RGS22: variants seen among roughly 807,000 people sequenced by gnomAD.
RGS22 encodes the protein regulator of G protein signaling 22, also known as regulator of G-protein signaling 22.
In RGS22, 148 loss-of-function variants were observed where a neutral mutation model predicts 172.9. The observed-to-expected ratio is 0.86, with a 90% CI of 0.75 to 0.98. The LOEUF (loss-of-function observed/expected upper bound fraction) is 0.98. Among genes scored for constraint, RGS22 ranks in the 50% least tolerant of loss-of-function variants. RGS22 has a pLI of 0.00. For missense variants in RGS22, 1,347 were observed against 1,440.8 expected (o/e 0.93, Z 1.05); for synonymous variants, 458 against 480.2 (o/e 0.95, Z 0.60).
intron 14 of RGS22, among the ~76,000 whole-genome samples, chr8:100,017,065 T>C (rs1817066814): frequency 7.1e-6 from 1 of 140,796 alleles, no homozygotes; most frequent in Admixed American, 7.7e-5. Flanking sequence ...TGGTGTGATC[T>C]TGGCTCACTG....
Position 100,106,007 on chromosome 8 carries a change from C to G in RGS22, c.-86G>C. ...CCAGCGCGGGTCAGGGCCTGAGCGACGCGGCGACGGCGCGCGGGCTCCGGA... is the reference window on the plus strand; with the variant it reads ...CCAGCGCGGGTCAGGGCCTGAGCGAGGCGGCGACGGCGCGCGGGCTCCGGA... On this transcript the variant is annotated 5_prime_UTR_variant, in exon 1 of 28. Transcript: ENST00000360863. 3.3e-6 allele frequency: 4 copies of G among 1,205,752 alleles called. No homozygotes were observed. Among genetic ancestry groups the G allele is most frequent in the Non-Finnish European group, 4.1e-6 (4 of 971,616 alleles). The allele number at this position is 1,205,752 out of a possible 1,614,324, so 74.7% of individuals were successfully genotyped here. A position where few individuals can be genotyped will look rare whatever the true frequency, so the allele number is the denominator to read the frequency against.
At chr8:100,086,129 T>C (rs1416143207) in intron 3 of RGS22, among the ~76,000 whole-genome samples, 1 of 151,820 alleles carries the variant, frequency 6.6e-6, no homozygotes, top group Non-Finnish European at 1.5e-5. Context: ...TAATAGCCAA[T>C]GCATCAAGAT....
chr8:99,993,582 G>A (rs2131283697), intron 20 of RGS22, among the ~76,000 whole-genome samples: 1 of 152,064 alleles, frequency 6.6e-6, no homozygotes, highest in East Asian at 1.9e-4. Context: ...TTGAATCTCT[G>A]AATAGACCAA....
At chr8:99,971,321 C>T (rs1380446899) in intron 23 of RGS22, among the ~76,000 whole-genome samples, 1 of 152,178 alleles carries the variant, frequency 6.6e-6, no homozygotes, top group African/African-American at 2.4e-5. Flanking sequence ...CAGCACAAGA[C>T]AAGGATGCCC....
chr8:100,058,200 G>T (rs1043060429), intron 9 of RGS22, among the ~76,000 whole-genome samples: 1 of 149,550 alleles, frequency 6.7e-6, no homozygotes, highest in Non-Finnish European at 1.5e-5. Context: ...CAACAATAAA[G>T]CATGCCTAAA....
chr8:99,962,774 A>G lies in RGS22; in HGVS notation c.3710-7T>C, dbSNP rs6468700. 1 allele frequency: 1,600,861 copies of G among 1,601,338 alleles called. 800,196 individuals carry two copies. Among genetic ancestry groups the G allele is most frequent in the South Asian group, 1 (88,194 of 88,194 alleles). On this transcript the variant is annotated splice_region_variant and splice_polypyrimidine_tract_variant and intron_variant, in intron 25 of 27. Coordinates refer to ENST00000360863, the MANE Select transcript of RGS22 (RefSeq NM_015668.5). ...TTTGTGAGAGGTTGCAAGCCTGCAC[A>G]AAAATAAAAGAGATAAGAAAAACAG...
chr8:99,977,270 A>ATTTCTTTT (rs1428079850), intron 23 of RGS22, among the ~76,000 whole-genome samples: 6 of 120,390 alleles, frequency 5.0e-5, no homozygotes, highest in Non-Finnish European at 1.0e-4. Flanking sequence ...CGCCCGGTTA[A>ATTTCTTTT]TTTTTTTTTT....
chr8:100,084,047 C>T (rs1358533028), intron 3 of RGS22, among the ~76,000 whole-genome samples: 1 of 151,868 alleles, frequency 6.6e-6, no homozygotes, highest in Admixed American at 6.6e-5. Flanking sequence ...CCATGTTGGC[C>T]AGGATGTTCT....
rs185087498 is a variant in RGS22, at chr8:100,011,161, G to C, written c.2167-2592C>G. Among the ~76,000 whole-genome samples, 3 of 152,246 alleles carry C rather than the reference G, an allele frequency of 2.0e-5. No individual in the cohort carries two copies. In the East Asian group the frequency reaches 5.8e-4, roughly 29 times the overall value. ...GTGAATAAGAGAAGATACTTTAAAG[G>C]GAGGCAGAGACCAGAGCATGAATAT... is the stretch of plus-strand genomic sequence containing the variant. On this transcript the variant is annotated intron_variant, in intron 14 of 27. Transcript: ENST00000360863.
At chr8:100,055,106 C>A (rs1445042641) in intron 9 of RGS22, among the ~76,000 whole-genome samples, 1 of 152,230 alleles carries the variant, frequency 6.6e-6, no homozygotes, top group East Asian at 1.9e-4. Flanking sequence ...AGGACACAAG[C>A]CTGGCTGGCT....
chr8:100,011,828 G>A (rs1477628935), intron 14 of RGS22, among the ~76,000 whole-genome samples: 1 of 152,124 alleles, frequency 6.6e-6, no homozygotes, highest in African/African-American at 2.4e-5. Flanking sequence ...CAGCAGACCT[G>A]TACTAAATGA....
At chr8:100,064,111 G>A in intron 7 of RGS22, 68 bp from the exon 8 acceptor site, 4 of 1,192,852 alleles carry the variant, frequency 3.4e-6, no homozygotes, top group Non-Finnish European at 4.5e-6. Context: ...TTAAATAGAT[G>A]CTATAGAGCC....
chr8:100,070,964 T>C (rs1476032611), intron 6 of RGS22, among the ~76,000 whole-genome samples: 3 of 151,660 alleles, frequency 2.0e-5, no homozygotes, highest in African/African-American at 7.3e-5. Flanking sequence ...TCATTTTTTC[T>C]GTTCAGGTAA....
In RGS22 at chr8:100,066,079, A is replaced by G. The variant is rs560312947; in HGVS notation, c.724+88T>C. The stretch of plus-strand genomic sequence containing the variant: ...GTATGTGGATAATTTTTTCTCCCCA[A>G]CCACTAAGTACTGTACTGTAAAATT... On this transcript the variant is annotated intron_variant, in intron 7 of 27. Coordinates refer to ENST00000360863, the MANE Select transcript of RGS22 (RefSeq NM_015668.5). 4 of 1,243,436 alleles carry G rather than the reference A, an allele frequency of 3.2e-6. No individual in the cohort carries two copies. In the South Asian group the frequency reaches 7.3e-5, roughly 23 times the overall value. 77.0% of individuals were successfully genotyped at this position (1,243,436 alleles called of 1,614,324 possible).
chr8:100,020,690 ACT>A (rs1040578814), intron 14 of RGS22, among the ~76,000 whole-genome samples: 4 of 152,198 alleles, frequency 2.6e-5, no homozygotes, highest in South Asian at 4.1e-4. Flanking sequence ...CAGTTGTTAA[ACT>A]CTGTCATTAC....
chr8:100,020,693 C>T (rs1298839711), intron 14 of RGS22, among the ~76,000 whole-genome samples: 1 of 152,118 alleles, frequency 6.6e-6, no homozygotes, highest in Non-Finnish European at 1.5e-5. Flanking sequence ...TTGTTAAACT[C>T]TGTCATTACC....
intron 3 of RGS22, among the ~76,000 whole-genome samples, chr8:100,088,459 C>T (rs1225931178): frequency 2.5e-4 from 38 of 152,068 alleles, no homozygotes; most frequent in Admixed American, 2.5e-3. Context: ...AATGTTTTCA[C>T]ACTATAGCAC....
At chr8:99,976,528 A>AT (rs1316447247) in intron 23 of RGS22, among the ~76,000 whole-genome samples, 2 of 151,902 alleles carry the variant, frequency 1.3e-5, no homozygotes, top group African/African-American at 4.8e-5. Context: ...CGCCCGGCTA[A>AT]TTTTTTGTAT....
Position 99,987,462 on chromosome 8 carries a change from T to C in RGS22, c.3176A>G (p.Tyr1059Cys), listed in dbSNP as rs745674176. 32 of 1,603,172 alleles carry C rather than the reference T, an allele frequency of 2.0e-5. 1 individual carries two copies. In the South Asian group the frequency reaches 2.6e-4, roughly 13 times the overall value. The change falls in exon 21 of 28, where the codon TAT becomes TGT. Residue 1059 changes from tyrosine to cysteine, a missense_variant. Physicochemically the swap from Tyr to Cys is radical, Grantham distance 194. Coordinates refer to ENST00000360863, the MANE Select transcript of RGS22 (RefSeq NM_015668.5). Reference sequence around the variant, plus strand: ...CTCTAGCTCCCAATACAATACCTTATATTTTTGTACTTCTTGCCAAAAGAG... The same window carrying C: ...CTCTAGCTCCCAATACAATACCTTACATTTTTGTACTTCTTGCCAAAAGAG... The part of the protein sequence containing the change: ...GLLFWQEVQK[Y>C]KDLCHSHCDE...
Sources: gnomAD v4.1 joint callset for allele counts (sites outside exome capture counted in the v4.1 genomes callset) on GRCh38, gnomAD v4.1.1 for gene constraint, MANE v1.5 for transcripts, NCBI Gene and HGNC (gene_info 2026-07-23, HGNC 2026-07-21) for gene names.